Variants in MAP3K20 observed in about 807,000 individuals in gnomAD.
MAP3K20 encodes the protein mitogen-activated protein kinase kinase kinase 20.
A neutral mutation model predicts 85.7 loss-of-function variants in MAP3K20; 40 were observed. That is an observed-to-expected ratio of 0.47 (90% CI 0.36 to 0.61). MAP3K20 has a LOEUF of 0.61. Ranked by LOEUF, MAP3K20 falls within the 20% of genes least tolerant of loss-of-function variation. The probability of loss-of-function intolerance (pLI) is 0.00; values close to 1 mark genes in which losing one functional copy is unlikely to be tolerated. For synonymous variants in MAP3K20, 325 were observed against 327.7 expected, an observed-to-expected ratio of 0.99 and a Z score of 0.09; for missense variants, 817 against 961.7, an observed-to-expected ratio of 0.85 and a Z score of 1.99.
intron 8 of MAP3K20, among the ~76,000 whole-genome samples, chr2:173,202,264 G>A (rs922576987): frequency 4.6e-5 from 7 of 152,134 alleles, no homozygotes; most frequent in South Asian, 4.1e-4. Context: ...TGCTTAGCAC[G>A]GCCTTTAGTT....
At chr2:173,232,559 A>G (rs1684547465) in intron 14 of MAP3K20, 100 bp downstream of exon 14, 1 of 1,531,536 alleles carries the variant, frequency 6.5e-7, no homozygotes, top group African/African-American at 1.4e-5. Flanking sequence ...GCTGGAGTGC[A>G]AAGGCACAAT....
rs140633494 is a variant in MAP3K20, at chr2:173,097,304, C to T, written c.159+6114C>T. 9.2e-5 allele frequency among the ~76,000 whole-genome samples: 14 copies of T among 152,232 alleles called. No individual in the cohort carries two copies. The East Asian group carries it at 1.5e-3, about 17-fold the overall frequency. ...CCGGGAGGCAGAGGTTGTAGTGAGC[C>T]AAGATGGTGCCAGTGCACTCCAGCC... On this transcript the variant is annotated intron_variant, in intron 2 of 19. Transcript: ENST00000375213.
chr2:173,214,818 T>A (rs1342493712), intron 10 of MAP3K20, among the ~76,000 whole-genome samples: 1 of 152,162 alleles, frequency 6.6e-6, no homozygotes, highest in Non-Finnish European at 1.5e-5. Context: ...TATAAATATA[T>A]CAACAAATGC....
intron 11 of MAP3K20, chr2:173,225,994 A>G (rs1439730453): frequency 1.0e-6 from 1 of 985,376 alleles, no homozygotes; most frequent in African/African-American, 1.7e-5. Flanking sequence ...CATTTTTGAA[A>G]GCAAAATTAC....
chr2:173,144,086 G>T (rs551455866), intron 2 of MAP3K20, among the ~76,000 whole-genome samples: 1 of 151,824 alleles, frequency 6.6e-6, no homozygotes, highest in South Asian at 2.1e-4. Flanking sequence ...ACACGAGCCC[G>T]GGTATTCAAG....
Position 173,217,115 on chromosome 2 carries a change from G to C in MAP3K20, c.852G>C (p.Arg284Ser). 6.4e-7 allele frequency: 1 copy of C among 1,556,776 alleles called. No homozygotes were observed. Among genetic ancestry groups the C allele is most frequent in the Non-Finnish European group, 8.7e-7 (1 of 1,150,502 alleles). ...NSFLHNKAEW[R>S]CEIEATLERL... ...ACTTACACCAGCTATCCCCGTGCAG[G>C]TGCGAAATTGAGGCAACTCTTGAGA... The change falls in exon 11 of 20, where the codon AGG becomes AGC. Residue 284 changes from arginine (R) to serine (S), a missense_variant and splice_region_variant. Transcript: ENST00000375213.
chr2:173,137,823 G>A (rs1688839841), intron 2 of MAP3K20, among the ~76,000 whole-genome samples: 1 of 152,148 alleles, frequency 6.6e-6, no homozygotes, highest in Admixed American at 6.5e-5. Flanking sequence ...TTAAGTAACA[G>A]AAAGTAAAAG....
At chr2:173,257,656 T>C (rs1685190701) in intron 16 of MAP3K20, among the ~76,000 whole-genome samples, 2 of 152,198 alleles carry the variant, frequency 1.3e-5, no homozygotes, top group Non-Finnish European at 2.9e-5. Flanking sequence ...TCTTTTCTCT[T>C]GGGTAAATAC....
At chr2:173,205,690 C>T (rs1280935463) in intron 9 of MAP3K20, among the ~76,000 whole-genome samples, 1 of 152,142 alleles carries the variant, frequency 6.6e-6, no homozygotes, top group East Asian at 1.9e-4. Flanking sequence ...GGTCTTTAGA[C>T]TTCCCTTACC....
intron 16 of MAP3K20, among the ~76,000 whole-genome samples, chr2:173,242,975 G>C (rs1684826693): frequency 6.6e-6 from 1 of 152,030 alleles, no homozygotes; most frequent in South Asian, 2.1e-4. Flanking sequence ...AAAGTGCTGG[G>C]ATTACAGGCG....
At chr2:173,248,558 TAGAGCTAG>T (rs1047076664) in intron 16 of MAP3K20, among the ~76,000 whole-genome samples, 3 of 152,252 alleles carry the variant, frequency 2.0e-5, no homozygotes, top group Admixed American at 2.0e-4. Flanking sequence ...CAGCCACCTA[TAGAGCTAG>T]AGAGCTAGAG....
intron 7 of MAP3K20, 21 bp downstream of exon 7, chr2:173,191,198 T>C (rs900660444): frequency 1.9e-6 from 3 of 1,610,090 alleles, no homozygotes; most frequent in Non-Finnish European, 2.5e-6. Context: ...TTCTCATTTC[T>C]TGTTTACTAA....
At chr2:173,113,855 G>A (rs1332787355) in intron 2 of MAP3K20, among the ~76,000 whole-genome samples, 2 of 152,046 alleles carry the variant, frequency 1.3e-5, no homozygotes, top group Admixed American at 1.3e-4. Flanking sequence ...AATAAAATGT[G>A]TATTTTGGGG....
chr2:173,235,179 A>G (rs1684620009), intron 14 of MAP3K20, among the ~76,000 whole-genome samples: 2 of 152,248 alleles, frequency 1.3e-5, no homozygotes, highest in African/African-American at 4.8e-5. Context: ...CAAGGGTGCA[A>G]TGGGCAGCAC....
At chr2:173,202,196 G>A (rs1369392976) in intron 8 of MAP3K20, among the ~76,000 whole-genome samples, 1 of 152,022 alleles carries the variant, frequency 6.6e-6, no homozygotes, top group Non-Finnish European at 1.5e-5. Flanking sequence ...TAAAATAATA[G>A]TACAGTTTAA....
chr2:173,243,948 C>T (rs1198549107), intron 16 of MAP3K20, among the ~76,000 whole-genome samples: 8 of 152,176 alleles, frequency 5.3e-5, no homozygotes, highest in Non-Finnish European at 8.8e-5. Context: ...TTTAACAGAT[C>T]TTTCAGAAGC....
In MAP3K20 at chr2:173,264,971, G is replaced by A. The variant is rs138051852; in HGVS notation, c.1702+1076G>A. Among the ~76,000 whole-genome samples, 177 of 152,312 alleles carry A rather than the reference G, an allele frequency of 1.2e-3. 1 individual carries two copies. Among genetic ancestry groups the A allele is most frequent in the Middle Eastern group, 3.4e-3 (1 of 294 alleles). On this transcript the variant is annotated intron_variant, in intron 19 of 19. Transcript: ENST00000375213. ...ACAATGTGAATATACTAACACTACT[G>A]AACTAGAGGCTTAAAAATGGCTAAG... is the stretch of plus-strand genomic sequence containing the variant.
intron 11 of MAP3K20, chr2:173,226,489 G>C: frequency 1.0e-6 from 1 of 985,710 alleles, no homozygotes; most frequent in Non-Finnish European, 1.2e-6. Flanking sequence ...AGCATCGCCA[G>C]ACATAAAAAT....
chr2:173,203,849 G>C lies in MAP3K20; in HGVS notation c.723G>C (p.Gln241His), dbSNP rs750933455. The C allele has an allele frequency of 1.9e-6, 3 of 1,613,910 alleles. No homozygotes were observed. The highest frequency in any genetic ancestry group is 2.7e-5 in the African/African-American group (2 of 75,034). Residue 241 changes from glutamine to histidine, a missense_variant, in exon 9 of 20, where the codon CAG becomes CAC. Physicochemically the swap from Gln to His is conservative, Grantham distance 24. Around this residue, in one of 4 missense-constraint regions of MAP3K20, gnomAD observed 200 missense variants for 302.7 expected, o/e 0.66. Coordinates refer to ENST00000375213, the MANE Select transcript of MAP3K20 (RefSeq NM_016653.3). The part of the protein sequence containing the change: ...CPRSFAELLH[Q>H]CWEADAKKRP... The stretch of plus-strand genomic sequence containing the variant: ...GAAGTTTTGCTGAACTGTTACATCA[G>C]TGTTGGGAAGCTGATGCCAAGGTAT...
Sources: gnomAD v4.1 joint callset for allele counts (sites outside exome capture counted in the v4.1 genomes callset) on GRCh38, gnomAD v4.1.1 for gene constraint, gnomAD v4.1.1 regional missense constraint, MANE v1.5 for transcripts, NCBI Gene and HGNC (gene_info 2026-07-23, HGNC 2026-07-21) for gene names.